CENPC: variants seen among roughly 807,000 people sequenced by gnomAD.
CENPC encodes centromere protein C.
Under a neutral mutation model 112.1 loss-of-function variants are expected in CENPC, and 63 were observed. The observed-to-expected ratio is 0.56, with a 90% CI of 0.46 to 0.69. CENPC has a LOEUF of 0.69. CENPC is among the 30% of genes least tolerant of loss of function. CENPC has a pLI of 0.00. For synonymous variants in CENPC, 333 were observed against 367.6 expected, an observed-to-expected ratio of 0.91 and a Z score of 1.08; for missense variants, 1,000 against 1,103.8, an observed-to-expected ratio of 0.91 and a Z score of 1.33.
chr4:67,545,429 CA>C lies in CENPC; in HGVS notation c.-75del. ...CGGACCACAGCTCCAGGAAGCCGAG[CA>C]AGAAACGAATCGCCGGAATACCAGG... On this transcript the variant is annotated 5_prime_UTR_variant, in exon 1 of 19. Transcript: ENST00000273853. 7.1e-7 allele frequency: 1 copy of C among 1,414,470 alleles called. No homozygotes were observed. The highest frequency in any genetic ancestry group is 9.3e-7 in the Non-Finnish European group (1 of 1,071,564). The allele number at this position is 1,414,470 out of a possible 1,614,324, so 87.6% of individuals were successfully genotyped here. A position where few individuals can be genotyped will look rare whatever the true frequency, so the allele number is the denominator to read the frequency against.
At chr4:67,545,098 G>T (rs1726991668) in intron 1 of CENPC, among the ~76,000 whole-genome samples, 1 of 152,120 alleles carries the variant, frequency 6.6e-6, no homozygotes, top group East Asian at 1.9e-4. Flanking sequence ...CCTCTCAAGA[G>T]TAAGACGTAG....
At chr4:67,496,275 T>G (rs1416143085) in intron 12 of CENPC, among the ~76,000 whole-genome samples, 1 of 152,202 alleles carries the variant, frequency 6.6e-6, no homozygotes, top group African/African-American at 2.4e-5. Flanking sequence ...TTCAGATGAC[T>G]CCAGCCCCAG....
intron 3 of CENPC, among the ~76,000 whole-genome samples, chr4:67,540,430 A>T (rs1726855357): frequency 6.6e-6 from 1 of 152,166 alleles, no homozygotes; most frequent in Non-Finnish European, 1.5e-5. Flanking sequence ...ACACTTTGGG[A>T]GGCTGAAGAG....
At chr4:67,540,342 G>A (rs991628527) in intron 3 of CENPC, among the ~76,000 whole-genome samples, 7 of 152,084 alleles carry the variant, frequency 4.6e-5, no homozygotes, top group South Asian at 2.1e-4. Flanking sequence ...ATTCTCCAGC[G>A]ATTCCAAGAA....
rs187260336 is a variant in CENPC, at chr4:67,531,491, G to A, written c.232-577C>T. The stretch of plus-strand genomic sequence containing the variant: ...GAATGTTCCCTCCATTACCAACAGA[G>A]AAGGTTGCACCTGCTGCGCCAGCCT... On this transcript the variant is annotated intron_variant, in intron 4 of 18. Coordinates refer to ENST00000273853, the MANE Select transcript of CENPC (RefSeq NM_001812.4). 3.5e-3 allele frequency among the ~76,000 whole-genome samples: 537 copies of A among 152,328 alleles called. 6 individuals carry two copies. Among genetic ancestry groups the A allele is most frequent in the African/African-American group, 0.012 (500 of 41,580 alleles).
At chr4:67,520,794 T>C (rs1455471740) in intron 5 of CENPC, among the ~76,000 whole-genome samples, 1 of 152,072 alleles carries the variant, frequency 6.6e-6, no homozygotes, top group African/African-American at 2.4e-5. Flanking sequence ...GGTGGATCAC[T>C]GGAGGCCAGG....
chr4:67,520,539 C>T (rs1026838560), intron 5 of CENPC, among the ~76,000 whole-genome samples: 3 of 152,178 alleles, frequency 2.0e-5, no homozygotes, highest in African/African-American at 7.2e-5. Flanking sequence ...CCAGGACCAG[C>T]AGCTTCTAAC....
Position 67,540,996 on chromosome 4 carries a change from G to A in CENPC, c.120C>T (p.Asp40=), listed in dbSNP as rs1310081368. 1.9e-6 allele frequency: 3 copies of A among 1,607,890 alleles called. No individual in the cohort carries two copies. Among genetic ancestry groups the A allele is most frequent in the Admixed American group, 1.7e-5 (1 of 59,262 alleles). The stretch of plus-strand genomic sequence containing the variant: ...AAGCCTTACTTTTTTCTTCAAAACA[G>A]TCTTGTAAGATTTCCAGAACATTCT... The part of the protein sequence containing the change: ...QGQNVLEILQ[D]CFEEKSLAND... The change falls in exon 3 of 19, where the codon GAC becomes GAT. Residue 40 remains aspartate, a synonymous_variant. Coordinates refer to ENST00000273853, the MANE Select transcript of CENPC (RefSeq NM_001812.4).
chr4:67,519,127 T>C, intron 6 of CENPC, 90 bp downstream of exon 6: 1 of 928,512 alleles, frequency 1.1e-6, no homozygotes, highest in Admixed American at 3.0e-5. Flanking sequence ...TTCCTTAGTG[T>C]AAAATAATAT....
chr4:67,535,358 C>A (rs904541788), intron 4 of CENPC, among the ~76,000 whole-genome samples: 1 of 150,682 alleles, frequency 6.6e-6, no homozygotes, highest in African/African-American at 2.4e-5. Flanking sequence ...AGTTGCAATT[C>A]AGGAGAAAAG....
chr4:67,498,356 C>G (rs1276045486), intron 12 of CENPC, among the ~76,000 whole-genome samples: 1 of 152,078 alleles, frequency 6.6e-6, no homozygotes, highest in Admixed American at 6.5e-5. Context: ...ACTGATCAGG[C>G]TGGGGTGTCT....
chr4:67,533,426 T>C (rs1288123776), intron 4 of CENPC, among the ~76,000 whole-genome samples: 3 of 152,182 alleles, frequency 2.0e-5, no homozygotes, highest in South Asian at 2.1e-4. Flanking sequence ...AATGGACTAA[T>C]ACACTACACT....
At chr4:67,492,819 C>A in intron 15 of CENPC, 50 bp downstream of exon 15, 1 of 1,472,606 alleles carries the variant, frequency 6.8e-7, no homozygotes, top group South Asian at 1.4e-5. Flanking sequence ...TCTCAAAGTA[C>A]TCCTATTTAA....
intron 3 of CENPC, 102 bp from the exon 4 acceptor site, chr4:67,540,036 A>T (rs1726844244): frequency 1.8e-6 from 1 of 552,082 alleles, no homozygotes; most frequent in Non-Finnish European, 3.1e-6. Context: ...CCATCTGTTG[A>T]CTCACTGACC....
In CENPC at chr4:67,514,203, A is replaced by C. The variant is rs1317701647; in HGVS notation, c.1315T>G (p.Ser439Ala). The C allele has an allele frequency of 8.1e-6, 13 of 1,613,210 alleles. No individual in the cohort carries two copies. Among genetic ancestry groups the C allele is most frequent in the Non-Finnish European group, 1.1e-5 (13 of 1,179,660 alleles). ...GATGTATGTATGTTTTCATCTTTAG[A>C]CTGTCCCACATCAAGCTGTTCTTCA... ...PAEEQLDVGQ[S>A]KDENIHTSHI... The change falls in exon 8 of 19, where the codon TCT becomes GCT. Residue 439 changes from serine to alanine, a missense_variant. Ser to Ala is a moderately conservative substitution (Grantham distance 99, BLOSUM62 1). Transcript: ENST00000273853.
chr4:67,490,227 C>A, intron 16 of CENPC, 106 bp from the exon 17 acceptor site: 1 of 736,056 alleles, frequency 1.4e-6, no homozygotes, highest in Non-Finnish European at 2.0e-6. Context: ...TATAAATCTG[C>A]CTTAGAGAGT....
rs1560417864 is a variant in CENPC at position 67,478,653 on chromosome 4, CACACACACACACA to C, written c.2671-3688_2671-3676del. On this transcript the variant is annotated intron_variant, in intron 17 of 18. Coordinates refer to ENST00000273853, the MANE Select transcript of CENPC (RefSeq NM_001812.4). ...AAACACACACACACACACACACACA[CACACACACACACA>C]CCCAAAGTATTCAGGCAACAACTAG... 9.9e-5 allele frequency among the ~76,000 whole-genome samples: 15 copies of C among 151,420 alleles called. 1 individual carries two copies. Among genetic ancestry groups the C allele is most frequent in the East Asian group, 5.9e-4 (3 of 5,110 alleles).
chr4:67,543,038 C>T (rs896438513), intron 2 of CENPC, among the ~76,000 whole-genome samples: 2 of 151,904 alleles, frequency 1.3e-5, no homozygotes, highest in African/African-American at 4.8e-5. Context: ...TACTACAACA[C>T]CCTCCTTAAG....
intron 8 of CENPC, 73 bp downstream of exon 8, chr4:67,514,001 G>T (rs1725972386): frequency 1.4e-6 from 2 of 1,396,660 alleles, no homozygotes; most frequent in African/African-American, 1.4e-5. Context: ...ACTTGCCAAA[G>T]CTAAGTTAGG....
Sources: allele counts gnomAD v4.1 joint callset (sites outside exome capture counted in the v4.1 genomes callset), GRCh38; gene constraint gnomAD v4.1.1; transcripts MANE v1.5; gene names NCBI Gene and HGNC (gene_info 2026-07-23, HGNC 2026-07-21).